UBR3: variants seen among roughly 807,000 people sequenced by gnomAD.
UBR3 encodes E3 ubiquitin-protein ligase UBR3.
In UBR3, 85 loss-of-function variants were observed where a neutral mutation model predicts 243.2. That is an observed-to-expected ratio of 0.35 (90% confidence interval 0.29 to 0.42). UBR3 has a LOEUF of 0.42. UBR3 is among the 10% of genes least tolerant of loss of function. UBR3 has a pLI of 1.00. For synonymous variants in UBR3, 748 were observed against 799.8 expected (o/e 0.94, Z 1.09); for missense variants, 1,686 against 2,300.8 (o/e 0.73, Z 5.47).
chr2:170,007,486 G>A lies in UBR3; in HGVS notation c.4230+296G>A, dbSNP rs148052723. ...TAAGATGTTCAAATAGGCCAGGCAC[G>A]GTGGCTCACACCTGTAATCCCAGCA... On this transcript the variant is annotated intron_variant, in intron 28 of 38. Transcript: ENST00000272793. Among the ~76,000 whole-genome samples, 887 of 152,142 alleles carry A rather than the reference G, an allele frequency of 5.8e-3. 22 individuals carry two copies. The highest frequency in any genetic ancestry group is 0.047 in the Admixed American group (718 of 15,266).
In UBR3 at chr2:169,926,789, A is replaced by T. The variant is rs924251639; in HGVS notation, c.2204+45A>T. The T allele has an allele frequency of 4.5e-6, 7 of 1,543,996 alleles. No individual in the cohort carries two copies. The South Asian group carries it at 8.5e-5, about 19-fold the overall frequency. On this transcript the variant is annotated intron_variant, in intron 15 of 38. Coordinates refer to ENST00000272793, the MANE Select transcript of UBR3 (RefSeq NM_172070.4). ...GACAGGTATTAGGAAGTGTCCAGTT[A>T]ATTTTGTTTTAATTTATAAAAATAT...
chr2:169,960,856 G>A (rs1342280686), intron 24 of UBR3, among the ~76,000 whole-genome samples: 1 of 152,034 alleles, frequency 6.6e-6, no homozygotes, highest in Non-Finnish European at 1.5e-5. Context: ...TACAAGACTA[G>A]ATAATGTGCT....
At chr2:169,978,793 C>T (rs937476071) in intron 24 of UBR3, among the ~76,000 whole-genome samples, 1 of 152,070 alleles carries the variant, frequency 6.6e-6, no homozygotes, top group African/African-American at 2.4e-5. Flanking sequence ...ACTCTAGGGG[C>T]TAGTCTAGCT....
intron 1 of UBR3, among the ~76,000 whole-genome samples, chr2:169,860,937 G>C (rs925961489): frequency 6.6e-6 from 1 of 152,190 alleles, no homozygotes; most frequent in Non-Finnish European, 1.5e-5. Context: ...AGGCCCGAGA[G>C]CCCCTGGCAA....
In UBR3 at chr2:169,949,599, T is replaced by A; in HGVS notation, c.3085-6T>A. 2 of 1,510,348 alleles carry A rather than the reference T, an allele frequency of 1.3e-6. No individual in the cohort carries two copies. The highest frequency in any genetic ancestry group is 1.8e-6 in the Non-Finnish European group (2 of 1,130,548). The allele number at this position is 1,510,348 out of a possible 1,614,324, so 93.6% of individuals were successfully genotyped here. On this transcript the variant is annotated splice_polypyrimidine_tract_variant and splice_region_variant and intron_variant, in intron 22 of 38. Coordinates refer to ENST00000272793, the MANE Select transcript of UBR3 (RefSeq NM_172070.4). ...ATTTTTCTTTGTTTCTCTTTGTTAA[T>A]GGTAGAATTCTGGTACAGCTCAAGT...
chr2:169,963,554 T>C (rs1372247193), intron 24 of UBR3, among the ~76,000 whole-genome samples: 3 of 152,280 alleles, frequency 2.0e-5, no homozygotes, highest in South Asian at 4.1e-4. Context: ...CAAAAGCAGA[T>C]ATTTAGCCTG....
In UBR3 at chr2:170,081,748, T is replaced by C; in HGVS notation, c.5572T>C (p.Cys1858Arg). 1 of 1,607,052 alleles carries C rather than the reference T, an allele frequency of 6.2e-7. No homozygotes were observed. The highest frequency in any genetic ancestry group is 8.5e-7 in the Non-Finnish European group (1 of 1,176,722). The change falls in exon 39 of 39, where the codon TGT becomes CGT. Residue 1858 changes from cysteine to arginine, a missense_variant. Coordinates refer to ENST00000272793, the MANE Select transcript of UBR3 (RefSeq NM_172070.4). Reference protein sequence around the residue: ...DLRRGKPLYICKERYKVLEQQ... With the variant: ...DLRRGKPLYIRKERYKVLEQQ... ...TAGGCGAGGCAAACCTCTCTACATTTGTAAGGAAAGATACAAAGTTCTTGA... is the reference window on the plus strand; with the variant it reads ...TAGGCGAGGCAAACCTCTCTACATTCGTAAGGAAAGATACAAAGTTCTTGA...
In UBR3 at chr2:169,964,939, C is replaced by G. The variant is rs140990710; in HGVS notation, c.3634+6413C>G. The G allele has an allele frequency of 1.5e-5, 7 of 456,924 alleles. No homozygotes were observed. The East Asian group carries it at 4.9e-4, about 32-fold the overall frequency. 28.3% of individuals were successfully genotyped at this position (456,924 alleles called of 1,614,324 possible). ...AATGAGCTCTACTTTCTCCCAGTCT[C>G]GGTTCTTGTATGCTGCAGTGGTGAC... On this transcript the variant is annotated intron_variant, in intron 24 of 38. Transcript: ENST00000272793.
chr2:169,951,845 A>T (rs1221623435), intron 23 of UBR3, among the ~76,000 whole-genome samples: 1 of 152,180 alleles, frequency 6.6e-6, no homozygotes, highest in African/African-American at 2.4e-5. Flanking sequence ...TGTTAGACTC[A>T]GTCATCAGGT....
At chr2:169,903,982 C>T (rs995516856) in intron 8 of UBR3, among the ~76,000 whole-genome samples, 3 of 152,138 alleles carry the variant, frequency 2.0e-5, no homozygotes, top group Non-Finnish European at 2.9e-5. Context: ...CTGGAGTTCT[C>T]GCTCATCTTT....
At chr2:170,007,318 GTTCTC>G in intron 28 of UBR3, 128 bp downstream of exon 28, 2 of 936,804 alleles carry the variant, frequency 2.1e-6, no homozygotes, top group Non-Finnish European at 3.1e-6. Context: ...TAGAGGTTTT[GTTCTC>G]TTCTATTTAT....
intron 23 of UBR3, among the ~76,000 whole-genome samples, chr2:169,955,066 T>G (rs2087215653): frequency 6.6e-6 from 1 of 152,216 alleles, no homozygotes; most frequent in Admixed American, 6.5e-5. Context: ...ATGTTTTGAC[T>G]CAGTTTATAC....
chr2:169,963,093 A>C (rs1174927923), intron 24 of UBR3, among the ~76,000 whole-genome samples: 1 of 152,184 alleles, frequency 6.6e-6, no homozygotes, highest in Non-Finnish European at 1.5e-5. Flanking sequence ...TTGGATAAGA[A>C]TAGGCTGGTT....
intron 35 of UBR3, among the ~76,000 whole-genome samples, chr2:170,069,739 C>T (rs937273802): frequency 6.6e-6 from 1 of 151,892 alleles, no homozygotes; most frequent in Non-Finnish European, 1.5e-5. Flanking sequence ...GATAAATTGA[C>T]AGCATTTCCT....
intron 29 of UBR3, among the ~76,000 whole-genome samples, chr2:170,010,647 A>G (rs1252817145): frequency 6.6e-6 from 1 of 152,220 alleles, no homozygotes; most frequent in Non-Finnish European, 1.5e-5. Context: ...GCAGGGACAG[A>G]TGTCGAATGC....
intron 1 of UBR3, among the ~76,000 whole-genome samples, chr2:169,838,443 G>C (rs945034814): frequency 8.4e-6 from 1 of 118,362 alleles, no homozygotes; most frequent in African/African-American, 3.2e-5. Flanking sequence ...GTGTGTGTGT[G>C]TGTGTCTGGT....
chr2:169,939,477 CA>C (rs1174524060), intron 19 of UBR3, among the ~76,000 whole-genome samples: 1 of 151,040 alleles, frequency 6.6e-6, no homozygotes, highest in Non-Finnish European at 1.5e-5. Flanking sequence ...CCATGTTAGC[CA>C]GGATGGTCTC....
intron 6 of UBR3, among the ~76,000 whole-genome samples, chr2:169,893,835 T>A (rs1448557268): frequency 6.6e-6 from 1 of 152,242 alleles, no homozygotes; most frequent in East Asian, 1.9e-4. Context: ...GTGCTAGGAT[T>A]AAGGTGTGAG....
intron 1 of UBR3, among the ~76,000 whole-genome samples, chr2:169,832,239 TA>T (rs2081962822): frequency 6.6e-6 from 1 of 152,154 alleles, no homozygotes; most frequent in Non-Finnish European, 1.5e-5. Flanking sequence ...TCACAAAGGC[TA>T]TGGAAATTGT....
Sources: allele counts gnomAD v4.1 joint callset (sites outside exome capture counted in the v4.1 genomes callset), GRCh38; gene constraint gnomAD v4.1.1; transcripts MANE v1.5; gene names NCBI Gene and HGNC (gene_info 2026-07-23, HGNC 2026-07-21).